Variants in LCLAT1 observed in about 807,000 individuals in gnomAD.
LCLAT1 encodes 1-AGP acyltransferase 8.
Under a neutral mutation model 30.7 loss-of-function variants are expected in LCLAT1, and 11 were observed. The ratio of observed to expected loss-of-function variants is 0.36; its 90% CI spans 0.23 to 0.59. The LOEUF (loss-of-function observed/expected upper bound fraction) is 0.59. Among genes scored for constraint, LCLAT1 ranks in the 20% least tolerant of loss-of-function variants. The pLI, the probability that LCLAT1 is intolerant of heterozygous loss-of-function variation, is 0.77. For missense variants in LCLAT1, 402 were observed against 458.6 expected, an observed-to-expected ratio of 0.88 and a Z score of 1.13; for synonymous variants, 155 against 151.3, an observed-to-expected ratio of 1.02 and a Z score of -0.18.
chr2:30,525,803 C>G, intron 2 of LCLAT1, 48 bp downstream of exon 2: 1 of 1,544,624 alleles, frequency 6.5e-7, no homozygotes, highest in Non-Finnish European at 8.9e-7. Flanking sequence ...AGAGTGCTCC[C>G]CACCCCTGAT....
intron 5 of LCLAT1, among the ~76,000 whole-genome samples, chr2:30,573,152 G>C (rs1003703454): frequency 2.0e-5 from 3 of 152,208 alleles, no homozygotes; most frequent in Non-Finnish European, 4.4e-5. Context: ...AAACCTGGGA[G>C]TCATTGTTGG....
At chr2:30,555,844 T>TA (rs1319429224) in intron 3 of LCLAT1, among the ~76,000 whole-genome samples, 3 of 150,102 alleles carry the variant, frequency 2.0e-5, no homozygotes, top group African/African-American at 7.3e-5. Context: ...TTTTTCTTTT[T>TA]TTTTTTTTTT....
intron 5 of LCLAT1, among the ~76,000 whole-genome samples, chr2:30,604,932 C>T (rs555192732): frequency 6.6e-6 from 1 of 152,304 alleles, no homozygotes; most frequent in Admixed American, 6.5e-5. Flanking sequence ...AAAAGGCTGC[C>T]TCAAGGCATC....
intron 1 of LCLAT1, among the ~76,000 whole-genome samples, chr2:30,503,419 TC>T (rs1684494260): frequency 6.6e-6 from 1 of 152,216 alleles, no homozygotes; most frequent in Admixed American, 6.5e-5. Flanking sequence ...GCTTGCTGGA[TC>T]ATATTGTAAC....
intron 1 of LCLAT1, among the ~76,000 whole-genome samples, chr2:30,465,460 T>G (rs1682371918): frequency 6.6e-6 from 1 of 152,174 alleles, no homozygotes; most frequent in South Asian, 2.1e-4. Flanking sequence ...ACTTTCTGTT[T>G]TAAGCCACCA....
intron 5 of LCLAT1, among the ~76,000 whole-genome samples, chr2:30,583,546 T>C (rs2148468765): frequency 6.6e-6 from 1 of 152,330 alleles, no homozygotes; most frequent in Admixed American, 6.5e-5. Flanking sequence ...AAGATAATGC[T>C]GAAACATCAT....
chr2:30,615,217 G>T (rs1667938378), intron 5 of LCLAT1, among the ~76,000 whole-genome samples: 1 of 152,118 alleles, frequency 6.6e-6, no homozygotes, highest in Non-Finnish European at 1.5e-5. Flanking sequence ...CTGTTCCTGA[G>T]TAGGCAAGAG....
At chr2:30,544,930 G>A (rs759922462) in intron 3 of LCLAT1, among the ~76,000 whole-genome samples, 87 of 152,024 alleles carry the variant, frequency 5.7e-4, no homozygotes, top group Admixed American at 2.9e-3. Flanking sequence ...CCCTATTTAA[G>A]TATTTCATTC....
In LCLAT1 at chr2:30,535,905, A is replaced by G. The variant is rs1030841643; in HGVS notation, c.364+2591A>G. ...AAATACAAGAGAACACAGATAAAGT[A>G]TTCAACACCATCAGGAAACAATTCA... is the stretch of plus-strand genomic sequence containing the variant. On this transcript the variant is annotated intron_variant, in intron 3 of 5. Coordinates refer to ENST00000379509, the MANE Select transcript of LCLAT1 (RefSeq NM_001002257.3). Among the ~76,000 whole-genome samples the G allele has an allele frequency of 5.3e-5, 8 of 152,182 alleles. No individual in the cohort carries two copies. The South Asian group carries it at 6.2e-4, about 12-fold the overall frequency.
At chr2:30,506,802 G>A (rs1406240127) in intron 1 of LCLAT1, among the ~76,000 whole-genome samples, 1 of 152,122 alleles carries the variant, frequency 6.6e-6, no homozygotes, top group Non-Finnish European at 1.5e-5. Flanking sequence ...ATGCAGACAT[G>A]TTCATCAGAA....
At chr2:30,459,405 T>C in intron 1 of LCLAT1, 1 of 530,734 alleles carries the variant, frequency 1.9e-6, no homozygotes, top group Non-Finnish European at 3.4e-6. Flanking sequence ...GCTTCCTGAG[T>C]TGCCCTGTGC....
chr2:30,558,376 G>A (rs1402400062), intron 3 of LCLAT1, among the ~76,000 whole-genome samples: 1 of 152,094 alleles, frequency 6.6e-6, no homozygotes. Flanking sequence ...TAAGCAGGTG[G>A]ATCACCTGAG....
At chr2:30,493,516 G>A (rs1265461475) in intron 1 of LCLAT1, among the ~76,000 whole-genome samples, 1 of 152,214 alleles carries the variant, frequency 6.6e-6, no homozygotes, top group Non-Finnish European at 1.5e-5. Context: ...AGATCATGCT[G>A]TTAAAGAAGT....
chr2:30,447,440 G>A (rs1189935815), intron 1 of LCLAT1, 57 bp downstream of exon 1: 1 of 152,724 alleles, frequency 6.5e-6, no homozygotes, highest in African/African-American at 2.4e-5. Flanking sequence ...GCGGCGGCCG[G>A]GGGATCTCAG....
At chr2:30,604,314 G>GTCTTTTC (rs1667327459) in intron 5 of LCLAT1, among the ~76,000 whole-genome samples, 1 of 150,578 alleles carries the variant, frequency 6.6e-6, no homozygotes, top group Non-Finnish European at 1.5e-5. Context: ...GAGAAAAGAC[G>GTCTTTTC]ACTAAGAGAA....
chr2:30,580,559 C>T (rs998162936), intron 5 of LCLAT1, among the ~76,000 whole-genome samples: 11 of 152,128 alleles, frequency 7.2e-5, no homozygotes, highest in African/African-American at 2.2e-4. Flanking sequence ...CCTGATGAAG[C>T]GGAGAGGGCT....
At chr2:30,605,600 G>A (rs1667399924) in intron 5 of LCLAT1, among the ~76,000 whole-genome samples, 1 of 152,144 alleles carries the variant, frequency 6.6e-6, no homozygotes, top group South Asian at 2.1e-4. Flanking sequence ...AAAGAATTCT[G>A]AGAAAGCTTA....
chr2:30,505,741 T>A (rs1032576894), intron 1 of LCLAT1, among the ~76,000 whole-genome samples: 1 of 152,168 alleles, frequency 6.6e-6, no homozygotes, highest in African/African-American at 2.4e-5. Context: ...AACGTTATAA[T>A]GTAGCTTATC....
chr2:30,640,482 G>A lies in LCLAT1; in HGVS notation c.994G>A (p.Val332Ile). 6.2e-7 allele frequency: 1 copy of A among 1,614,130 alleles called. No individual in the cohort carries two copies. Among genetic ancestry groups the A allele is most frequent in the Non-Finnish European group, 8.5e-7 (1 of 1,179,978 alleles). The change falls in exon 6 of 6, where the codon GTT becomes ATT. Residue 332 changes from valine (V) to isoleucine (I), a missense_variant. Physicochemically the swap from Val to Ile is conservative, Grantham distance 29 (BLOSUM62 3). Coordinates refer to ENST00000379509, the MANE Select transcript of LCLAT1 (RefSeq NM_001002257.3). ...CCTACTCATATATTTGTACAGTCTT[G>A]TTAAGTGGTATTTTATAATCACCAT... is the stretch of plus-strand genomic sequence containing the variant. ...MCLLIYLYSL[V>I]KWYFIITIVI...
Sources: allele counts gnomAD v4.1 joint callset (sites outside exome capture counted in the v4.1 genomes callset), GRCh38; gene constraint gnomAD v4.1.1; transcripts MANE v1.5; gene names NCBI Gene and HGNC (gene_info 2026-07-23, HGNC 2026-07-21).